Variants in PGAP1 observed in about 807,000 individuals in gnomAD.
PGAP1 encodes the protein GPI inositol-deacylase.
A neutral mutation model predicts 127.0 loss-of-function variants in PGAP1; 76 were observed. That is an observed-to-expected ratio of 0.60 (90% CI 0.50 to 0.72). PGAP1 has a LOEUF of 0.72. Ranked by LOEUF, PGAP1 falls within the 30% of genes least tolerant of loss-of-function variation. The pLI is 0.00. For synonymous variants in PGAP1, 362 were observed against 366.5 expected (o/e 0.99, Z 0.14); for missense variants, 982 against 1,071.3 (o/e 0.92, Z 1.16).
chr2:196,855,308 G>A (rs1700842526), intron 20 of PGAP1, among the ~76,000 whole-genome samples: 1 of 134,002 alleles, frequency 7.5e-6, no homozygotes, highest in Admixed American at 8.0e-5. Flanking sequence ...CCTGGCGACA[G>A]AGCGAGACTC....
intron 25 of PGAP1, 74 bp downstream of exon 25, chr2:196,843,814 A>C: frequency 1.1e-6 from 1 of 918,386 alleles, no homozygotes. Context: ...AACCATTAGG[A>C]ATCTAGCAAG....
At chr2:196,883,000 T>C (rs1701778908) in intron 12 of PGAP1, among the ~76,000 whole-genome samples, 1 of 152,192 alleles carries the variant, frequency 6.6e-6, no homozygotes, top group Non-Finnish European at 1.5e-5. Context: ...TGTCATTAGA[T>C]GGCTCTTATT....
chr2:196,876,467 A>C (rs992103550), intron 13 of PGAP1, among the ~76,000 whole-genome samples: 20 of 152,130 alleles, frequency 1.3e-4, no homozygotes, highest in African/African-American at 3.9e-4. Context: ...GCATCATTAT[A>C]ATTTTTTGTA....
chr2:196,854,333 T>C (rs745518043), intron 20 of PGAP1, among the ~76,000 whole-genome samples: 7 of 152,202 alleles, frequency 4.6e-5, no homozygotes, highest in Admixed American at 6.5e-5. Context: ...GTAAATTATA[T>C]GGAAAACATT....
Position 196,880,160 on chromosome 2 carries a change from TAAAAA to T in PGAP1, c.1273-12_1273-8del. 7.4e-7 allele frequency: 1 copy of T among 1,357,324 alleles called. No individual in the cohort carries two copies. The highest frequency in any genetic ancestry group is 1.4e-5 in the South Asian group (1 of 70,052). 84.1% of individuals were successfully genotyped at this position (1,357,324 alleles called of 1,614,324 possible). A position where few individuals can be genotyped will look rare whatever the true frequency, so the allele number is the denominator to read the frequency against. ...GAAGTCTTAATGTCAGATACTAAAA[TAAAAA>T]AAAAAGAAACTACTTTTATTTCTTA... is the stretch of plus-strand genomic sequence containing the variant. On this transcript the variant is annotated splice_polypyrimidine_tract_variant and splice_region_variant and intron_variant, in intron 12 of 26. Coordinates refer to ENST00000354764, the MANE Select transcript of PGAP1 (RefSeq NM_024989.4).
At chr2:196,898,233 T>C (rs1184758260) in intron 6 of PGAP1, 84 bp downstream of exon 6, 6 of 971,780 alleles carry the variant, frequency 6.2e-6, no homozygotes, top group Admixed American at 2.4e-5. Flanking sequence ...AAAAAAAAAG[T>C]TAACAAGCCA....
intron 4 of PGAP1, among the ~76,000 whole-genome samples, chr2:196,912,021 T>G (rs1278843328): frequency 1.3e-5 from 2 of 152,184 alleles, no homozygotes; most frequent in African/African-American, 4.8e-5. Flanking sequence ...GCCACATGAC[T>G]CTGGGCAAGA....
At chr2:196,856,460 G>A (rs539112679) in intron 20 of PGAP1, among the ~76,000 whole-genome samples, 1 of 152,310 alleles carries the variant, frequency 6.6e-6, no homozygotes, top group South Asian at 2.1e-4. Context: ...TATACTACTT[G>A]ATAAACTAGA....
chr2:196,841,545 TCTCA>T, intron 26 of PGAP1, among the ~76,000 whole-genome samples, 173 bp from the exon 27 acceptor site: 1 of 152,250 alleles, frequency 6.6e-6, no homozygotes, highest in South Asian at 2.1e-4. Context: ...TGAGATGGAG[TCTCA>T]CTCTGTTGCC....
Position 196,920,017 on chromosome 2 carries a change from T to A in PGAP1, c.281A>T (p.Asn94Ile). 1 of 1,610,522 alleles carries A rather than the reference T, an allele frequency of 6.2e-7. No individual in the cohort carries two copies. Among genetic ancestry groups the A allele is most frequent in the Non-Finnish European group, 8.5e-7 (1 of 1,178,774 alleles). Reference sequence around the variant, plus strand: ...CTTACCTTGCTTATAACTTCCAGCATTACCAGGAAGAAAGAGAACTGGAAT... The same window carrying A: ...CTTACCTTGCTTATAACTTCCAGCAATACCAGGAAGAAAGAGAACTGGAAT... ...TGIPVLFLPG[N>I]AGSYKQVRSI... Residue 94 changes from asparagine to isoleucine, a missense_variant, in exon 2 of 27, where the codon AAT (asparagine) becomes ATT (isoleucine). Transcript: ENST00000354764.
intron 3 of PGAP1, among the ~76,000 whole-genome samples, chr2:196,913,596 A>T (rs974224609): frequency 6.6e-6 from 1 of 152,206 alleles, no homozygotes; most frequent in Non-Finnish European, 1.5e-5. Context: ...TATTTTTTAG[A>T]TAAGTGCTTT....
intron 4 of PGAP1, among the ~76,000 whole-genome samples, chr2:196,911,606 TAAAAAAAAAAAAAAAAA>T (rs56107551): frequency 3.9e-5 from 3 of 77,286 alleles, no homozygotes; most frequent in African/African-American, 5.0e-5. Flanking sequence ...TAGAGTATAA[TAAAAAAAAAAAAAAAAA>T]AAAAAAAAAA....
At chr2:196,901,506 G>A (rs1702489102) in intron 5 of PGAP1, among the ~76,000 whole-genome samples, 1 of 152,138 alleles carries the variant, frequency 6.6e-6, no homozygotes, top group African/African-American at 2.4e-5. Context: ...AAAAGGAACA[G>A]GCAGACTACA....
intron 20 of PGAP1, among the ~76,000 whole-genome samples, chr2:196,863,383 T>C (rs1701129108): frequency 1.3e-5 from 2 of 152,218 alleles, no homozygotes; most frequent in African/African-American, 4.8e-5. Flanking sequence ...TGGAATATTA[T>C]GTAGACATAA....
chr2:196,885,947 C>G, intron 10 of PGAP1, 67 bp from the exon 11 acceptor site: 2 of 1,116,324 alleles, frequency 1.8e-6, no homozygotes, highest in Non-Finnish European at 2.4e-6. Context: ...AAAACAAACA[C>G]CCATTTTCAA....
intron 26 of PGAP1, among the ~76,000 whole-genome samples, chr2:196,841,643 G>A (rs980184592): frequency 2.0e-5 from 3 of 152,048 alleles, no homozygotes; most frequent in Admixed American, 1.3e-4. Flanking sequence ...TCAGCCTCCC[G>A]AGTAGCTGGG....
intron 12 of PGAP1, among the ~76,000 whole-genome samples, chr2:196,882,412 T>C (rs1422349168): frequency 6.6e-6 from 1 of 152,242 alleles, no homozygotes; most frequent in Non-Finnish European, 1.5e-5. Flanking sequence ...TTAATAGAAA[T>C]AACACTGAAT....
intron 7 of PGAP1, among the ~76,000 whole-genome samples, chr2:196,895,360 T>C (rs1251307200): frequency 6.6e-6 from 1 of 152,232 alleles, no homozygotes; most frequent in East Asian, 1.9e-4. Context: ...CCAGTCGGAA[T>C]AAGGTTTTTC....
At chr2:196,845,722 T>C (rs1385730416) in intron 23 of PGAP1, among the ~76,000 whole-genome samples, 160 bp downstream of exon 23, 1 of 152,170 alleles carries the variant, frequency 6.6e-6, no homozygotes, top group East Asian at 1.9e-4. Flanking sequence ...TTCCAGTTAA[T>C]TGTATGTAAT....
Sources: gnomAD v4.1 joint callset for allele counts (sites outside exome capture counted in the v4.1 genomes callset) on GRCh38, gnomAD v4.1.1 for gene constraint, MANE v1.5 for transcripts, NCBI Gene and HGNC (gene_info 2026-07-23, HGNC 2026-07-21) for gene names.